DOCK2: variants seen among roughly 807,000 people sequenced by gnomAD.
DOCK2 encodes the protein dedicator of cytokinesis 2, also known as dedicator of cytokinesis protein 2.
A neutral mutation model predicts 248.9 loss-of-function variants in DOCK2; 87 were observed. That is an observed-to-expected ratio of 0.35 (90% CI 0.29 to 0.42). The LOEUF (loss-of-function observed/expected upper bound fraction) is 0.42, where lower values mean the gene tolerates loss of function less well. Ranked by LOEUF, DOCK2 falls within the 10% of genes least tolerant of loss-of-function variation. The probability of loss-of-function intolerance (pLI) is 1.00; values close to 1 mark genes in which losing one functional copy is unlikely to be tolerated. For missense variants in DOCK2, 1,747 were observed against 2,300.2 expected (o/e 0.76, Z 4.92); for synonymous variants, 805 against 821.6 (o/e 0.98, Z 0.35).
chr5:169,854,812 C>A (rs1262985546), intron 27 of DOCK2, among the ~76,000 whole-genome samples: 1 of 152,198 alleles, frequency 6.6e-6, no homozygotes, highest in African/African-American at 2.4e-5. Context: ...TGTGTCCCCC[C>A]AGAATTTTCT....
At chr5:169,698,559 G>A in intron 11 of DOCK2, 110 bp downstream of exon 11, 1 of 1,194,874 alleles carries the variant, frequency 8.4e-7, no homozygotes, top group Non-Finnish European at 1.2e-6. Context: ...GGCAGGTGGA[G>A]CCTCCCAAGG....
chr5:169,836,693 TA>T (rs34530950), intron 26 of DOCK2, among the ~76,000 whole-genome samples: 25,621 of 152,140 alleles, frequency 0.17, 2,586 homozygotes, highest in Admixed American at 0.24. Context: ...TCTAAGTAGA[TA>T]CTGTTTGCTG....
At chr5:169,668,594 G>A (rs1431005652) in intron 2 of DOCK2, among the ~76,000 whole-genome samples, 1 of 152,158 alleles carries the variant, frequency 6.6e-6, no homozygotes, top group East Asian at 1.9e-4. Context: ...CATTTCAAAG[G>A]CCAGCCGACT....
intron 38 of DOCK2, among the ~76,000 whole-genome samples, chr5:170,044,244 T>C (rs1756617837): frequency 6.6e-6 from 1 of 152,218 alleles, no homozygotes; most frequent in South Asian, 2.1e-4. Context: ...TTGATGTATA[T>C]CCTTTGTCCA....
intron 46 of DOCK2, among the ~76,000 whole-genome samples, chr5:170,070,430 C>A (rs953230463): frequency 6.6e-6 from 1 of 152,210 alleles, no homozygotes; most frequent in African/African-American, 2.4e-5. Context: ...AATGAAACAC[C>A]AAGCACTGCA....
chr5:169,865,746 GAAGGA>G (rs998013230), intron 27 of DOCK2, among the ~76,000 whole-genome samples: 26 of 152,234 alleles, frequency 1.7e-4, no homozygotes, highest in Admixed American at 4.6e-4. Context: ...TGTTTAGCCA[GAAGGA>G]AAATGAAATG....
intron 26 of DOCK2, among the ~76,000 whole-genome samples, chr5:169,809,947 A>G (rs765051030): frequency 2.0e-5 from 3 of 152,166 alleles, no homozygotes; most frequent in Non-Finnish European, 4.4e-5. Flanking sequence ...CTTGTGGTCC[A>G]AGGAGCAGCT....
At chr5:169,722,495 A>G (rs1762263209) in intron 22 of DOCK2, among the ~76,000 whole-genome samples, 1 of 152,154 alleles carries the variant, frequency 6.6e-6, no homozygotes, top group Non-Finnish European at 1.5e-5. Flanking sequence ...GCATGGAGTA[A>G]GAGTTATGAG....
chr5:169,841,394 G>A (rs959125570), intron 27 of DOCK2: 12 of 987,304 alleles, frequency 1.2e-5, no homozygotes, highest in Admixed American at 6.0e-5. Flanking sequence ...TTCTTCTCCC[G>A]ACACAGAACC....
chr5:169,903,449 A>C (rs1248353414), intron 27 of DOCK2, among the ~76,000 whole-genome samples: 3 of 150,350 alleles, frequency 2.0e-5, no homozygotes, highest in African/African-American at 7.3e-5. Flanking sequence ...TGTGAGTGTG[A>C]AGGCTGGTGG....
chr5:170,035,294 G>C lies in DOCK2; in HGVS notation c.3624+739G>C, dbSNP rs75103202. 2.3e-4 allele frequency among the ~76,000 whole-genome samples: 35 copies of C among 152,242 alleles called. 1 individual carries two copies. The highest frequency in any genetic ancestry group is 7.5e-4 in the African/African-American group (31 of 41,536). ...AGAATGAAGTTGACCAAAAGGCCAC[G>C]TGACATCCATCACATCAACCTCCCT... On this transcript the variant is annotated intron_variant, in intron 35 of 51. Coordinates refer to ENST00000520908, the MANE Select transcript of DOCK2 (RefSeq NM_004946.3).
At chr5:169,953,138 A>G (rs896176811) in intron 27 of DOCK2, among the ~76,000 whole-genome samples, 4 of 152,170 alleles carry the variant, frequency 2.6e-5, no homozygotes, top group Non-Finnish European at 1.5e-5. Flanking sequence ...CCTGGCCAAC[A>G]TGGCGAAACC....
chr5:169,927,957 A>G (rs1401596574), intron 27 of DOCK2, among the ~76,000 whole-genome samples: 1 of 152,188 alleles, frequency 6.6e-6, no homozygotes, highest in African/African-American at 2.4e-5. Context: ...AGATGGTATA[A>G]CCAGCAGGAA....
At chr5:170,042,353 C>T (rs1756548516) in intron 38 of DOCK2, among the ~76,000 whole-genome samples, 1 of 152,190 alleles carries the variant, frequency 6.6e-6, no homozygotes, top group African/African-American at 2.4e-5. Context: ...AAACAATTTT[C>T]CTGCTTCCTC....
chr5:169,722,007 C>G (rs780231245), intron 22 of DOCK2, among the ~76,000 whole-genome samples: 2 of 152,110 alleles, frequency 1.3e-5, no homozygotes, highest in Non-Finnish European at 2.9e-5. Context: ...CACAGGGAGG[C>G]AGTCTTATGA....
At chr5:169,726,519 C>T (rs1762482058) in intron 22 of DOCK2, among the ~76,000 whole-genome samples, 1 of 152,114 alleles carries the variant, frequency 6.6e-6, no homozygotes, top group Non-Finnish European at 1.5e-5. Flanking sequence ...AATTAGATCC[C>T]ATTTGTCTAT....
Position 169,759,672 on chromosome 5 carries a change from G to A in DOCK2, c.2377-33G>A. 5 of 1,612,440 alleles carry A rather than the reference G, an allele frequency of 3.1e-6. 1 individual carries two copies. In the South Asian group the frequency reaches 5.5e-5, roughly 18 times the overall value. On this transcript the variant is annotated intron_variant, in intron 23 of 51. Transcript: ENST00000520908. ...TGCCAGCACAGACTTGTTGATGTGA[G>A]GATCACTTATATGTATTTTACATTC...
chr5:169,782,500 G>GT (rs369831482), intron 25 of DOCK2, among the ~76,000 whole-genome samples: 1,976 of 137,444 alleles, frequency 0.014, 15 homozygotes, highest in African/African-American at 0.019. Flanking sequence ...TTCCTCCTTA[G>GT]TTTTTTTTTT....
intron 25 of DOCK2, among the ~76,000 whole-genome samples, chr5:169,798,373 G>C (rs958956597): frequency 6.6e-6 from 1 of 152,198 alleles, no homozygotes; most frequent in African/African-American, 2.4e-5. Flanking sequence ...CTTACTGCCA[G>C]ACTTTCCCGT....
Sources: gnomAD v4.1 joint callset for allele counts (sites outside exome capture counted in the v4.1 genomes callset) on GRCh38, gnomAD v4.1.1 for gene constraint, MANE v1.5 for transcripts, NCBI Gene and HGNC (gene_info 2026-07-23, HGNC 2026-07-21) for gene names.